Variants in CHD5 observed in about 807,000 individuals in gnomAD.
CHD5 encodes chromodomain helicase DNA binding protein 5.
A neutral mutation model predicts 230.3 loss-of-function variants in CHD5; 69 were observed. The ratio of observed to expected loss-of-function variants is 0.30; its 90% CI spans 0.25 to 0.37. CHD5 has a LOEUF of 0.37. Ranked by LOEUF, CHD5 falls within the 10% of genes least tolerant of loss-of-function variation. The pLI, the probability that CHD5 is intolerant of heterozygous loss-of-function variation, is 1.00. For missense variants in CHD5, 1,827 were observed against 2,622.8 expected, an observed-to-expected ratio of 0.70 and a Z score of 6.63; for synonymous variants, 1,064 against 1,065.9, an observed-to-expected ratio of 1.00 and a Z score of 0.03.
At chr1:6,132,343 TAAG>T (rs1347827668) in intron 20 of CHD5, among the ~76,000 whole-genome samples, 1 of 152,210 alleles carries the variant, frequency 6.6e-6, no homozygotes, top group East Asian at 1.9e-4. Context: ...CTGTTGTTGT[TAAG>T]AAGTCTGAGA....
At chr1:6,152,380 G>GCA in intron 6 of CHD5, 32 bp downstream of exon 6, 1 of 1,597,554 alleles carries the variant, frequency 6.3e-7, no homozygotes, top group Non-Finnish European at 8.5e-7. Context: ...GCATGCAAAT[G>GCA]CACACACACG....
intron 1 of CHD5, among the ~76,000 whole-genome samples, chr1:6,176,005 T>A (rs1667421533): frequency 6.6e-6 from 1 of 151,886 alleles, no homozygotes; most frequent in African/African-American, 2.4e-5. Flanking sequence ...GGTAGGTAGA[T>A]GGATGGATGG....
intron 3 of CHD5, 101 bp downstream of exon 3, chr1:6,159,234 CA>C (rs2100872704): frequency 7.3e-7 from 1 of 1,362,796 alleles, no homozygotes; most frequent in East Asian, 2.7e-5. Context: ...CCATCACACA[CA>C]CACACACACA....
intron 33 of CHD5, among the ~76,000 whole-genome samples, chr1:6,115,739 C>T (rs991663019): frequency 2.0e-5 from 3 of 152,178 alleles, no homozygotes; most frequent in South Asian, 2.1e-4. Flanking sequence ...CAGATGAGAA[C>T]TCAACCCACT....
At chr1:6,165,783 G>A (rs1667243762) in intron 2 of CHD5, among the ~76,000 whole-genome samples, 1 of 152,034 alleles carries the variant, frequency 6.6e-6, no homozygotes, top group Non-Finnish European at 1.5e-5. Context: ...CCTCCCAAAG[G>A]AGCTGGCTCA....
At chr1:6,150,925 C>A in intron 7 of CHD5, 107 bp downstream of exon 7, 1 of 1,322,640 alleles carries the variant, frequency 7.6e-7, no homozygotes. Flanking sequence ...GGTTCCATGC[C>A]CCGCACATCC....
chr1:6,127,966 T>C (rs1328473049), intron 25 of CHD5, 80 bp downstream of exon 25: 22 of 1,125,130 alleles, frequency 2.0e-5, no homozygotes, highest in Non-Finnish European at 2.2e-5. Flanking sequence ...GGGGTCACAG[T>C]GGAAGGCGTG....
chr1:6,144,782 A>G (rs11121328), intron 11 of CHD5, among the ~76,000 whole-genome samples: 66,913 of 151,922 alleles, frequency 0.44, 16,225 homozygotes, highest in East Asian at 0.79. Flanking sequence ...CTGGGGCTTG[A>G]CTACCCCACA....
rs1175077322 is a variant in CHD5, at chr1:6,134,272, C to T, written c.3013-13G>A. 6.2e-7 allele frequency: 1 copy of T among 1,611,496 alleles called. No homozygotes were observed. On this transcript the variant is annotated splice_polypyrimidine_tract_variant and intron_variant, in intron 19 of 41. Transcript: ENST00000262450. The surrounding 1 kb of genome is among the most constrained non-coding windows in gnomAD (Gnocchi z 6.3). ...AGACAGGGGCCTCCTGCAGACACAG[C>T]AGGAGGTGGGGCATTGGTGGGCTCC...
Position 6,137,819 on chromosome 1 carries a change from A to G in CHD5, c.2437-954T>C, listed in dbSNP as rs1292562357. Among the ~76,000 whole-genome samples the G allele has an allele frequency of 2.6e-5, 4 of 152,340 alleles. No homozygotes were observed. The East Asian group carries it at 7.7e-4, about 29-fold the overall frequency. ...GTTTATTGTTGAATTTGTGTTTTGT[A>G]ACAAATATCCCAGGGGACAATGGAG... is the stretch of plus-strand genomic sequence containing the variant. On this transcript the variant is annotated intron_variant, in intron 15 of 41. Coordinates refer to ENST00000262450, the MANE Select transcript of CHD5 (RefSeq NM_015557.3).
In CHD5 at chr1:6,102,292, G is replaced by A. The variant is rs970912716; in HGVS notation, c.*3182C>T. The A allele has an allele frequency of 1.9e-5, 3 of 161,108 alleles. No homozygotes were observed. Among genetic ancestry groups the A allele is most frequent in the Non-Finnish European group, 4.1e-5 (3 of 73,154 alleles). The allele number at this position is 161,108 out of a possible 1,614,324, so 10.0% of individuals were successfully genotyped here. Reference sequence around the variant, plus strand: ...AAATTAAAGAAAAAAAAAACACAACGCCAGTGAGTTTGGGCTGATGCACCA... The same window carrying A: ...AAATTAAAGAAAAAAAAAACACAACACCAGTGAGTTTGGGCTGATGCACCA... On this transcript the variant is annotated 3_prime_UTR_variant, in exon 42 of 42. Transcript: ENST00000262450.
At chr1:6,117,780 G>A (rs143696924) in intron 33 of CHD5, among the ~76,000 whole-genome samples, 35 of 152,260 alleles carry the variant, frequency 2.3e-4, no homozygotes, top group Non-Finnish European at 4.6e-4. Context: ...CAAAAAGACA[G>A]ATAATAACAG....
At chr1:6,113,587 G>A (rs1311447887) in intron 33 of CHD5, among the ~76,000 whole-genome samples, 1 of 152,200 alleles carries the variant, frequency 6.6e-6, no homozygotes. Flanking sequence ...CTTGGAACTT[G>A]GAGCTGTGTC....
At chr1:6,171,362 C>T (rs1667335576) in intron 1 of CHD5, among the ~76,000 whole-genome samples, 1 of 152,184 alleles carries the variant, frequency 6.6e-6, no homozygotes, top group Non-Finnish European at 1.5e-5. Flanking sequence ...CTGGTGAAAC[C>T]CACCTCTGAG....
At position 6,125,862 on chromosome 1, in the gene CHD5, C is replaced by T. The variant is rs1286540866; in HGVS notation, c.4079-4G>A. On this transcript the variant is annotated splice_polypyrimidine_tract_variant and splice_region_variant and intron_variant, in intron 26 of 41. Transcript: ENST00000262450. This position sits in a 1 kb window ranked among gnomAD's most constrained non-coding sequence, Gnocchi z 6.7. ...TCAGAGAGCTCATCCTGCCACTCTGCAGGGGGCCAGACAGAGGGGCACGGA... is the reference window on the plus strand; with the variant it reads ...TCAGAGAGCTCATCCTGCCACTCTGTAGGGGGCCAGACAGAGGGGCACGGA... 1.9e-6 allele frequency: 3 copies of T among 1,608,626 alleles called. No individual in the cohort carries two copies. Among genetic ancestry groups the T allele is most frequent in the African/African-American group, 2.7e-5 (2 of 74,842 alleles).
rs757219339 is a variant in CHD5 at position 6,167,494 on chromosome 1, C to T, written c.207+656G>A. 3.3e-5 allele frequency among the ~76,000 whole-genome samples: 5 copies of T among 152,200 alleles called. No individual in the cohort carries two copies. Among genetic ancestry groups the T allele is most frequent in the African/African-American group, 1.2e-4 (5 of 41,444 alleles). On this transcript the variant is annotated intron_variant, in intron 2 of 41. Coordinates refer to ENST00000262450, the MANE Select transcript of CHD5 (RefSeq NM_015557.3). This position sits in a 1 kb window ranked among gnomAD's most constrained non-coding sequence, Gnocchi z 4.5. ...AAGCTGCAAACCCACCTCAGTTTCC[C>T]CATCTGCCAACCAGCGATCATCCCT...
chr1:6,114,229 G>C (rs1373479374), intron 33 of CHD5, among the ~76,000 whole-genome samples: 1 of 150,788 alleles, frequency 6.6e-6, no homozygotes, highest in Non-Finnish European at 1.5e-5. Flanking sequence ...CTCCAGCCTG[G>C]GTGACAGAGT....
At position 6,124,667 on chromosome 1, in the gene CHD5, G is replaced by T. The variant is rs1012888079; in HGVS notation, c.4395-6C>A. 11 of 1,413,514 alleles carry T rather than the reference G, an allele frequency of 7.8e-6. No homozygotes were observed. In the African/African-American group the frequency reaches 1.3e-4, roughly 17 times the overall value. The allele number at this position is 1,413,514 out of a possible 1,614,324, so 87.6% of individuals were successfully genotyped here. ...TGAAGAGGGACACATAGGCTCTGGG[G>T]TGGGGGGGGGGGACTGGGGCTCAGG... On this transcript the variant is annotated splice_polypyrimidine_tract_variant and splice_region_variant and intron_variant, in intron 29 of 41. Coordinates refer to ENST00000262450, the MANE Select transcript of CHD5 (RefSeq NM_015557.3).
rs1022027923 is a variant in CHD5, at chr1:6,110,008, C to G, written c.5383-18G>C. ...TCCAGCAGCTGGGGGCGGGGCGCAG[C>G]GTCGGCCCGGCCCCTCCCGCTGAAT... On this transcript the variant is annotated intron_variant, in intron 37 of 41. Coordinates refer to ENST00000262450, the MANE Select transcript of CHD5 (RefSeq NM_015557.3). 3.3e-6 allele frequency: 5 copies of G among 1,511,472 alleles called. No individual in the cohort carries two copies. Among genetic ancestry groups the G allele is most frequent in the Middle Eastern group, 2.1e-4 (1 of 4,864 alleles). The allele number at this position is 1,511,472 out of a possible 1,614,324, so 93.6% of individuals were successfully genotyped here. A position where few individuals can be genotyped will look rare whatever the true frequency, so the allele number is the denominator to read the frequency against.
Sources: gnomAD v4.1 joint callset for allele counts (sites outside exome capture counted in the v4.1 genomes callset) on GRCh38, gnomAD v4.1.1 for gene constraint, Gnocchi (gnomAD v3.1) non-coding constraint, MANE v1.5 for transcripts, NCBI Gene and HGNC (gene_info 2026-07-23, HGNC 2026-07-21) for gene names.